EHMT1: variants seen among roughly 807,000 people sequenced by gnomAD.
EHMT1 encodes the protein euchromatic histone lysine methyltransferase 1.
EHMT1 carries 15 observed loss-of-function variants against 147.2 expected under a neutral mutation model. That is an observed-to-expected ratio of 0.10 (90% CI 0.07 to 0.16). The LOEUF (loss-of-function observed/expected upper bound fraction) is 0.16, where lower values mean the gene tolerates loss of function less well. Ranked by LOEUF, EHMT1 falls within the 10% of genes least tolerant of loss-of-function variation. EHMT1 has a pLI of 1.00. For missense variants in EHMT1, 1,587 were observed against 1,772.4 expected, an observed-to-expected ratio of 0.90 and a Z score of 1.88; for synonymous variants, 795 against 709.6, an observed-to-expected ratio of 1.12 and a Z score of -1.91.
chr9:137,744,271 T>G (rs969618966), intron 6 of EHMT1, among the ~76,000 whole-genome samples, 181 bp downstream of exon 6: 3 of 152,230 alleles, frequency 2.0e-5, no homozygotes, highest in African/African-American at 7.2e-5. Context: ...AAGAAGTATT[T>G]ATGTTTCTGT....
intron 18 of EHMT1, among the ~76,000 whole-genome samples, chr9:137,804,573 A>G (rs778725138): frequency 6.6e-4 from 100 of 152,318 alleles, no homozygotes; most frequent in Non-Finnish European, 1.1e-3. Context: ...AAGTTTTTAT[A>G]AAGTTTGGTT....
chr9:137,795,335 A>G (rs1336570608), intron 16 of EHMT1: 1 of 152,068 alleles, frequency 6.6e-6, no homozygotes, highest in East Asian at 1.9e-4. Flanking sequence ...AACAGAGCCT[A>G]TCCTGGCAAC....
intron 3 of EHMT1, among the ~76,000 whole-genome samples, chr9:137,720,735 G>C (rs1443065493): frequency 6.6e-6 from 1 of 152,164 alleles, no homozygotes; most frequent in East Asian, 1.9e-4. Flanking sequence ...TGAGGCCTTG[G>C]TGTTCTGTGG....
chr9:137,805,938 G>C lies in EHMT1; in HGVS notation c.2712+4954G>C, dbSNP rs192067894. 8.9e-3 allele frequency among the ~76,000 whole-genome samples: 1,359 copies of C among 152,000 alleles called. 45 individuals carry two copies. The highest frequency in any genetic ancestry group is 0.076 in the Admixed American group (1,164 of 15,276). ...GGCCTCCCATAGTGCTGGGATTACA[G>C]GTGTGAGCGACTGTGCCCGGCCTGG... is the stretch of plus-strand genomic sequence containing the variant. On this transcript the variant is annotated intron_variant, in intron 18 of 26. Transcript: ENST00000460843.
chr9:137,790,767 G>A lies in EHMT1; in HGVS notation c.2383-81G>A, dbSNP rs1040520670. 3.1e-6 allele frequency: 5 copies of A among 1,604,202 alleles called. No homozygotes were observed. In the Admixed American group the frequency reaches 5.0e-5, roughly 16 times the overall value. ...ACAGTGCAGCTCTCTTTTTTTGAGTGTGGAAGCTTGTAAGTCACTTCTCCC... is the reference window on the plus strand; with the variant it reads ...ACAGTGCAGCTCTCTTTTTTTGAGTATGGAAGCTTGTAAGTCACTTCTCCC... On this transcript the variant is annotated intron_variant, in intron 15 of 26. Transcript: ENST00000460843.
Position 137,775,296 on chromosome 9 carries a change from G to C in EHMT1, c.1791+44G>C, listed in dbSNP as rs772097492. On this transcript the variant is annotated intron_variant, in intron 11 of 26. Coordinates refer to ENST00000460843, the MANE Select transcript of EHMT1 (RefSeq NM_024757.5). The surrounding 1 kb of genome is among the most constrained non-coding windows in gnomAD (Gnocchi z 6.1). ...AGCCTCTGAGTCCTCCGCAGGCTTT[G>C]CTGTCTGCTCACTGGTGCTGGTTCC... 6.9e-6 allele frequency: 11 copies of C among 1,599,770 alleles called. No homozygotes were observed. Among genetic ancestry groups the C allele is most frequent in the Non-Finnish European group, 9.3e-6 (11 of 1,178,762 alleles).
chr9:137,760,914 G>A (rs553427266), intron 9 of EHMT1, among the ~76,000 whole-genome samples: 14 of 152,324 alleles, frequency 9.2e-5, no homozygotes, highest in Admixed American at 3.3e-4. Flanking sequence ...AGGCTGAGGC[G>A]GGAGAATGGC....
At chr9:137,793,857 G>GT (rs1276591618) in intron 16 of EHMT1, among the ~76,000 whole-genome samples, 1 of 152,200 alleles carries the variant, frequency 6.6e-6, no homozygotes, top group African/African-American at 2.4e-5. Flanking sequence ...GAGACAGAAA[G>GT]TAGACTGGAG....
In EHMT1 at chr9:137,818,054, C is replaced by T. The variant is rs1413560085; in HGVS notation, c.3462-6C>T. 1 of 1,614,094 alleles carries T rather than the reference C, an allele frequency of 6.2e-7. No homozygotes were observed. The highest frequency in any genetic ancestry group is 8.5e-7 in the Non-Finnish European group (1 of 1,179,968). On this transcript the variant is annotated splice_region_variant and splice_polypyrimidine_tract_variant and intron_variant, in intron 24 of 26. Transcript: ENST00000460843. ...CAGGGCCTCACCTGCACCGCACCCT[C>T]TGCAGGTATGTTGGGGAGCTGATTT... is the stretch of plus-strand genomic sequence containing the variant.
Position 137,787,319 on chromosome 9 carries a change from A to G in EHMT1, c.2383-3529A>G, listed in dbSNP as rs1588706655. On this transcript the variant is annotated intron_variant, in intron 15 of 26. Transcript: ENST00000460843. The surrounding 1 kb of genome is among the most constrained non-coding windows in gnomAD (Gnocchi z 4.2). ...TAACCCCTTTTCCTGAAAAGGTACT[A>G]CCTCCTTCCCAGGCTGCATCTGCCA... The G allele has an allele frequency of 6.4e-6, 1 of 156,924 alleles. No individual in the cohort carries two copies. The highest frequency in any genetic ancestry group is 6.3e-5 in the Admixed American group (1 of 15,882). 9.7% of individuals were successfully genotyped at this position (156,924 alleles called of 1,614,324 possible).
At chr9:137,781,511 T>C (rs1055407986) in intron 14 of EHMT1, among the ~76,000 whole-genome samples, 2 of 152,186 alleles carry the variant, frequency 1.3e-5, no homozygotes, top group Non-Finnish European at 2.9e-5. Context: ...CAGTCGATGT[T>C]TCACCTGTGC....
At chr9:137,673,469 G>T (rs995903633) in intron 1 of EHMT1, among the ~76,000 whole-genome samples, 4 of 152,290 alleles carry the variant, frequency 2.6e-5, no homozygotes, top group African/African-American at 9.6e-5. Context: ...GTCCTGGGAG[G>T]CAGGGCAGCT....
chr9:137,817,319 C>T (rs982440665), intron 23 of EHMT1, 120 bp from the exon 24 acceptor site: 11 of 1,141,146 alleles, frequency 9.6e-6, no homozygotes, highest in Middle Eastern at 1.9e-4. Context: ...TCGAACGCTT[C>T]GGATACAGAA....
intron 1 of EHMT1, among the ~76,000 whole-genome samples, chr9:137,647,229 A>G (rs1212248043): frequency 2.0e-5 from 3 of 151,940 alleles, no homozygotes; most frequent in African/African-American, 4.8e-5. Context: ...TCCCTGAGCT[A>G]TCCAGTCCTC....
At chr9:137,686,007 G>C (rs1333781517) in intron 1 of EHMT1, among the ~76,000 whole-genome samples, 1 of 152,176 alleles carries the variant, frequency 6.6e-6, no homozygotes, top group Non-Finnish European at 1.5e-5. Context: ...CCAGCCCCTG[G>C]ACTCAGGTGG....
intron 1 of EHMT1, among the ~76,000 whole-genome samples, chr9:137,675,779 A>ATTTTT (rs781380107): frequency 2.1e-5 from 2 of 95,740 alleles, no homozygotes; most frequent in African/African-American, 4.7e-5. Context: ...CGCCCGGCTA[A>ATTTTT]TTTTTTTTTT....
chr9:137,691,018 G>C (rs1942883948), intron 1 of EHMT1, among the ~76,000 whole-genome samples: 1 of 152,068 alleles, frequency 6.6e-6, no homozygotes. Context: ...TTCACATTGT[G>C]CTGCTGTTAC....
intron 1 of EHMT1, among the ~76,000 whole-genome samples, chr9:137,669,726 T>C (rs1940314984): frequency 6.6e-6 from 1 of 151,700 alleles, no homozygotes; most frequent in Admixed American, 6.6e-5. Flanking sequence ...GTTTTTTCTC[T>C]TTTTTTAAAA....
chr9:137,777,992 G>T lies in EHMT1; in HGVS notation c.2129G>T (p.Gly710Val). Reference protein sequence around the residue: ...GPAGLGRPTPGLSQGPGKETL... With the variant: ...GPAGLGRPTPVLSQGPGKETL... Reference sequence around the variant, plus strand: ...GCTGGGCTTGGGAGGCCAACTCCCGGCCTTTCCCAGGGACCAGGGAAGGAA... The same window carrying T: ...GCTGGGCTTGGGAGGCCAACTCCCGTCCTTTCCCAGGGACCAGGGAAGGAA... The change falls in exon 13 of 27, where the codon GGC (glycine) becomes GTC (valine). Residue 710 changes from glycine to valine, a missense_variant. By Grantham distance (109) the Gly-to-Val change is moderately radical (BLOSUM62 -3). Transcript: ENST00000460843. 1 of 1,613,886 alleles carries T rather than the reference G, an allele frequency of 6.2e-7. No individual in the cohort carries two copies. The highest frequency in any genetic ancestry group is 8.5e-7 in the Non-Finnish European group (1 of 1,180,024).
Sources: gnomAD v4.1 joint callset for allele counts (sites outside exome capture counted in the v4.1 genomes callset) on GRCh38, gnomAD v4.1.1 for gene constraint, Gnocchi (gnomAD v3.1) non-coding constraint, MANE v1.5 for transcripts, NCBI Gene and HGNC (gene_info 2026-07-23, HGNC 2026-07-21) for gene names.